PRR12: variants seen among roughly 807,000 people sequenced by gnomAD.
PRR12 encodes proline-rich protein 12.
A neutral mutation model predicts 138.0 loss-of-function variants in PRR12; 12 were observed. That is an observed-to-expected ratio of 0.09 (90% CI 0.06 to 0.14). The LOEUF is 0.14. PRR12 is among the 10% of genes least tolerant of loss of function. The pLI is 1.00. For synonymous variants in PRR12, 1,567 were observed against 1,291.7 expected (o/e 1.21, Z -4.57); for missense variants, 2,692 against 2,861.3 (o/e 0.94, Z 1.35).
In PRR12 at chr19:49,594,680, G is replaced by C. The variant is rs754725760; in HGVS notation, c.362-17G>C. On this transcript the variant is annotated splice_polypyrimidine_tract_variant and intron_variant, in intron 3 of 13. Coordinates refer to ENST00000418929, the MANE Select transcript of PRR12 (RefSeq NM_020719.3). This position sits in a 1 kb window ranked among gnomAD's most constrained non-coding sequence, Gnocchi z 5.6. Reference sequence around the variant, plus strand: ...GGCTCGCTGTTCTCTCTGACGCGCGGTCTTCCTCATCTCCAGCCATGCACA... The same window carrying C: ...GGCTCGCTGTTCTCTCTGACGCGCGCTCTTCCTCATCTCCAGCCATGCACA... 2 of 1,611,058 alleles carry C rather than the reference G, an allele frequency of 1.2e-6. No homozygotes were observed. Among genetic ancestry groups the C allele is most frequent in the Non-Finnish European group, 1.7e-6 (2 of 1,179,630 alleles).
rs2122308998 is a variant in PRR12, at chr19:49,599,402, TGGA to T, written c.3814_3816del (p.Glu1272del). 6.8e-6 allele frequency: 11 copies of T among 1,611,674 alleles called. No homozygotes were observed. The highest frequency in any genetic ancestry group is 9.3e-6 in the Non-Finnish European group (11 of 1,179,222). On this transcript the variant is annotated inframe_deletion, in exon 5 of 14. Coordinates refer to ENST00000418929, the MANE Select transcript of PRR12 (RefSeq NM_020719.3). The surrounding 1 kb of genome is among the most constrained non-coding windows in gnomAD (Gnocchi z 5.0). ...AAGATCGAGGCCAAGATTAAGGAGG[TGGA>T]GGAGAAGCAGCCGGAGATGAAGTCG...
At position 49,619,221 on chromosome 19, in the gene PRR12, T is replaced by C. The variant is rs2080907721; in HGVS notation, c.5498-1131T>C. Among the ~76,000 whole-genome samples the C allele has an allele frequency of 2.1e-5, 3 of 141,662 alleles. No individual in the cohort carries two copies. In the South Asian group the frequency reaches 6.8e-4, roughly 32 times the overall value. The allele number at this position is 141,662 out of a possible 152,430, so 92.9% of individuals were successfully genotyped here. ...ACAAGGGTGAGTCTGATGCCTCCTG[T>C]GAGTTTTTTTTTTTTTTTTTTTTTT... On this transcript the variant is annotated intron_variant, in intron 9 of 13. Coordinates refer to ENST00000418929, the MANE Select transcript of PRR12 (RefSeq NM_020719.3).
intron 6 of PRR12, among the ~76,000 whole-genome samples, chr19:49,611,484 A>G (rs1438981092): frequency 1.3e-5 from 2 of 151,772 alleles, no homozygotes; most frequent in Non-Finnish European, 2.9e-5. Context: ...TAAAACTACA[A>G]AAGATTAGCT....
In PRR12 at chr19:49,625,386, G is replaced by T; in HGVS notation, c.5965-75G>T. Reference sequence around the variant, plus strand: ...GGGACACTGACATCTGACACCCCAGGCCCCATGCCCCAGCCCCTTCCCTCC... The same window carrying T: ...GGGACACTGACATCTGACACCCCAGTCCCCATGCCCCAGCCCCTTCCCTCC... On this transcript the variant is annotated intron_variant, in intron 13 of 13. Coordinates refer to ENST00000418929, the MANE Select transcript of PRR12 (RefSeq NM_020719.3). This position sits in a 1 kb window ranked among gnomAD's most constrained non-coding sequence, Gnocchi z 5.5. 1 of 1,480,830 alleles carries T rather than the reference G, an allele frequency of 6.8e-7. No homozygotes were observed. The allele number at this position is 1,480,830 out of a possible 1,614,324, so 91.7% of individuals were successfully genotyped here.
intron 6 of PRR12, among the ~76,000 whole-genome samples, chr19:49,604,627 A>G (rs2122325991): frequency 6.6e-6 from 1 of 152,124 alleles, no homozygotes; most frequent in East Asian, 1.9e-4. Context: ...GCAGAGAGCC[A>G]ACATCACGCC....
rs2080799397 is a variant in PRR12, at chr19:49,599,794, G to A, written c.4201G>A (p.Ala1401Thr). The A allele has an allele frequency of 6.2e-7, 1 of 1,613,426 alleles. No individual in the cohort carries two copies. Among genetic ancestry groups the A allele is most frequent in the South Asian group, 1.1e-5 (1 of 91,082 alleles). Reference sequence around the variant, plus strand: ...AGACCTGCAGGAGAGCATCTCCTCCGCCATCTCTGCCCTCGATGACCCACC... The same window carrying A: ...AGACCTGCAGGAGAGCATCTCCTCCACCATCTCTGCCCTCGATGACCCACC... ...NRDLQESISS[A>T]ISALDDPPLA... The change falls in exon 5 of 14, where the codon GCC becomes ACC. Residue 1401 changes from alanine (A) to threonine (T), a missense_variant. Around this residue, in one of 11 missense-constraint regions of PRR12, gnomAD observed 22 missense variants for 59.2 expected, o/e 0.37. Transcript: ENST00000418929. This position sits in a 1 kb window ranked among gnomAD's most constrained non-coding sequence, Gnocchi z 5.0.
At chr19:49,612,764 A>G (rs1250999919) in intron 6 of PRR12, among the ~76,000 whole-genome samples, 1 of 151,984 alleles carries the variant, frequency 6.6e-6, no homozygotes. Flanking sequence ...TCCCGGGTTC[A>G]AGTGATTCTC....
Position 49,596,092 on chromosome 19 carries a change from C to T in PRR12, c.1757C>T (p.Pro586Leu), listed in dbSNP as rs775086066. 3.7e-6 allele frequency: 6 copies of T among 1,602,272 alleles called. No homozygotes were observed. In the African/African-American group the frequency reaches 4.0e-5, roughly 11 times the overall value. ...CCTGGAGTCGGCTCTCCAGGAGCCC[C>T]TGGCAAATACCTGAGCTCAGTCTTG... ...RPPGVGSPGA[P>L]GKYLSSVLAS... Residue 586 changes from proline (P) to leucine (L), a missense_variant, in exon 4 of 14, where the codon CCT (proline) becomes CTT (leucine). Coordinates refer to ENST00000418929, the MANE Select transcript of PRR12 (RefSeq NM_020719.3). The surrounding 1 kb of genome is among the most constrained non-coding windows in gnomAD (Gnocchi z 5.6).
At position 49,601,602 on chromosome 19, in the gene PRR12, C is replaced by A; in HGVS notation, c.4457C>A (p.Pro1486His). 1.9e-6 allele frequency: 3 copies of A among 1,544,106 alleles called. No individual in the cohort carries two copies. In the South Asian group the frequency reaches 3.6e-5, roughly 18 times the overall value. ...PPPQPALPSPPPLVAPTPSSP... is the reference protein window; with the variant it reads ...PPPQPALPSPHPLVAPTPSSP... ...CCACAGCCAGCCCTGCCCTCGCCAC[C>A]CCCGCTGGTGGCCCCCACGCCCAGC... The change falls in exon 6 of 14, where the codon CCC (proline) becomes CAC (histidine). Residue 1486 changes from proline (P) to histidine (H), a missense_variant. Physicochemically the swap from Pro to His is moderately conservative, Grantham distance 77. Transcript: ENST00000418929.
At chr19:49,605,876 T>C (rs1246215291) in intron 6 of PRR12, among the ~76,000 whole-genome samples, 2 of 152,270 alleles carry the variant, frequency 1.3e-5, no homozygotes, top group Non-Finnish European at 2.9e-5. Context: ...CCCACGCCTT[T>C]GCCAAATGTA....
At chr19:49,605,182 C>T (rs1256746592) in intron 6 of PRR12, among the ~76,000 whole-genome samples, 1 of 151,776 alleles carries the variant, frequency 6.6e-6, no homozygotes, top group East Asian at 2.0e-4. Context: ...GAAACCAAGG[C>T]ACAGAGAGAT....
In PRR12 at chr19:49,615,925, C is replaced by T; in HGVS notation, c.5203C>T (p.Leu1735=). ...CCCTGCCCCCGAGAAGCCCTCCCTC[C>T]TGCGGCCTGTTGAGAAGGAAAAGGA... is the stretch of plus-strand genomic sequence containing the variant. The part of the protein sequence containing the change: ...EPPAPEKPSL[L]RPVEKEKEKE... Residue 1735 remains leucine, a synonymous_variant, in exon 9 of 14, where the codon CTG becomes TTG. Transcript: ENST00000418929. 5 of 1,557,990 alleles carry T rather than the reference C, an allele frequency of 3.2e-6. No individual in the cohort carries two copies. The highest frequency in any genetic ancestry group is 4.3e-6 in the Non-Finnish European group (5 of 1,150,668).
In PRR12 at chr19:49,617,200, G is replaced by A. The variant is rs977497524; in HGVS notation, c.5497+981G>A. ...CAAAAATAAATATATATTCACATAT[G>A]TACAGTAAGGGTAACAGCTGATTTT... On this transcript the variant is annotated intron_variant, in intron 9 of 13. Transcript: ENST00000418929. Among the ~76,000 whole-genome samples, 4 of 151,904 alleles carry A rather than the reference G, an allele frequency of 2.6e-5. No homozygotes were observed. The South Asian group carries it at 6.2e-4, about 24-fold the overall frequency.
intron 6 of PRR12, among the ~76,000 whole-genome samples, chr19:49,608,262 G>A (rs1043865875): frequency 5.9e-5 from 9 of 151,942 alleles, no homozygotes; most frequent in Non-Finnish European, 1.0e-4. Context: ...GGCTGAGGCC[G>A]GCAGATCACT....
chr19:49,603,262 C>T (rs1261221347), intron 6 of PRR12, among the ~76,000 whole-genome samples: 3 of 152,250 alleles, frequency 2.0e-5, no homozygotes, highest in African/African-American at 7.2e-5. Flanking sequence ...TGCGGCTGAG[C>T]AGGTGCTCAG....
Position 49,596,019 on chromosome 19 carries a change from T to C in PRR12, c.1684T>C (p.Ser562Pro). The part of the protein sequence containing the change: ...SLGGGGEASP[S>P]HIIRPLQSPP... The stretch of plus-strand genomic sequence containing the variant: ...GGGAGGCGGCGGTGAGGCCAGCCCA[T>C]CTCACATCATTCGTCCGCTCCAGTC... Residue 562 changes from serine to proline, a missense_variant, in exon 4 of 14, where the codon TCT (serine) becomes CCT (proline). Ser to Pro is a moderately conservative substitution (Grantham distance 74). Coordinates refer to ENST00000418929, the MANE Select transcript of PRR12 (RefSeq NM_020719.3). This position sits in a 1 kb window ranked among gnomAD's most constrained non-coding sequence, Gnocchi z 5.6. The C allele has an allele frequency of 6.2e-7, 1 of 1,601,356 alleles. No homozygotes were observed. The highest frequency in any genetic ancestry group is 1.3e-5 in the African/African-American group (1 of 75,018).
At position 49,599,211 on chromosome 19, in the gene PRR12, G is replaced by A; in HGVS notation, c.3679-61G>A. On this transcript the variant is annotated intron_variant, in intron 4 of 13. Coordinates refer to ENST00000418929, the MANE Select transcript of PRR12 (RefSeq NM_020719.3). The surrounding 1 kb of genome is among the most constrained non-coding windows in gnomAD (Gnocchi z 5.0). ...TAAATTTGGATTTTTGGGGGCTGAG[G>A]GAGGATGGGACTGGGGGCCCAGGCT... The A allele has an allele frequency of 6.8e-7, 1 of 1,464,534 alleles. No individual in the cohort carries two copies. Among genetic ancestry groups the A allele is most frequent in the Non-Finnish European group, 9.0e-7 (1 of 1,106,022 alleles). 90.7% of individuals were successfully genotyped at this position (1,464,534 alleles called of 1,614,324 possible). A position where few individuals can be genotyped will look rare whatever the true frequency, so the allele number is the denominator to read the frequency against.
intron 4 of PRR12, among the ~76,000 whole-genome samples, chr19:49,598,782 A>C (rs1399989662): frequency 1.3e-5 from 2 of 152,164 alleles, no homozygotes; most frequent in Non-Finnish European, 2.9e-5. Context: ...TGATTGCATC[A>C]CTGTGGCCTG....
intron 11 of PRR12, among the ~76,000 whole-genome samples, chr19:49,623,406 A>G (rs1488733308): frequency 6.6e-6 from 1 of 152,052 alleles, no homozygotes; most frequent in Non-Finnish European, 1.5e-5. Flanking sequence ...GAGGTGGATC[A>G]CGAGGTCAGG....
Sources: gnomAD v4.1 joint callset for allele counts (sites outside exome capture counted in the v4.1 genomes callset) on GRCh38, gnomAD v4.1.1 for gene constraint, gnomAD v4.1.1 regional missense constraint, Gnocchi (gnomAD v3.1) non-coding constraint, MANE v1.5 for transcripts, NCBI Gene and HGNC (gene_info 2026-07-23, HGNC 2026-07-21) for gene names.